Variants in DIP2C observed in about 807,000 individuals in gnomAD.
DIP2C encodes disco-interacting protein 2 homolog C.
In DIP2C, 33 loss-of-function variants were observed where a neutral mutation model predicts 192.4. The ratio of observed to expected loss-of-function variants is 0.17; its 90% CI spans 0.13 to 0.23. The LOEUF (loss-of-function observed/expected upper bound fraction) is 0.23. DIP2C is among the 10% of genes least tolerant of loss of function. The probability of loss-of-function intolerance (pLI) is 1.00; values close to 1 mark genes in which losing one functional copy is unlikely to be tolerated. For missense variants in DIP2C, 1,537 were observed against 2,110.1 expected (o/e 0.73, Z 5.32); for synonymous variants, 979 against 864.1 (o/e 1.13, Z -2.33).
chr10:673,060 G>A (rs981487250), intron 1 of DIP2C, among the ~76,000 whole-genome samples: 4 of 152,170 alleles, frequency 2.6e-5, no homozygotes, highest in Admixed American at 2.6e-4. Flanking sequence ...GAACCAAGGG[G>A]GATGGAATGA....
chr10:594,033 G>A (rs973026758), intron 1 of DIP2C, among the ~76,000 whole-genome samples: 5 of 152,172 alleles, frequency 3.3e-5, no homozygotes, highest in African/African-American at 9.7e-5. Context: ...TGTGTTCACC[G>A]TTTCTCAGTT....
chr10:283,468 A>G (rs888807976), intron 34 of DIP2C, 22 bp from the exon 35 acceptor site: 3 of 1,612,210 alleles, frequency 1.9e-6, no homozygotes, highest in Non-Finnish European at 2.5e-6. Context: ...GGGAAATGTC[A>G]CTGTGGATGA....
rs1246812899 is a variant in DIP2C at position 321,629 on chromosome 10, C to CG, written c.3924+5376dup. Among the ~76,000 whole-genome samples, 75 of 117,900 alleles carry CG rather than the reference C, an allele frequency of 6.4e-4. 1 individual carries two copies. Among genetic ancestry groups the CG allele is most frequent in the East Asian group, 2.2e-3 (8 of 3,644 alleles). 77.3% of individuals were successfully genotyped at this position (117,900 alleles called of 152,430 possible). A position where few individuals can be genotyped will look rare whatever the true frequency, so the allele number is the denominator to read the frequency against. On this transcript the variant is annotated intron_variant, in intron 31 of 36. Coordinates refer to ENST00000280886, the MANE Select transcript of DIP2C (RefSeq NM_014974.3). ...CTGTTAGAACAGTCAGTCGGGGGTG[C>CG]GGGGCTCCGGCGAGAGACCGGCGCT...
At chr10:379,818 C>G (rs568982905) in intron 17 of DIP2C, among the ~76,000 whole-genome samples, 2 of 152,380 alleles carry the variant, frequency 1.3e-5, no homozygotes, top group South Asian at 4.1e-4. Context: ...TGCTTTGATA[C>G]CAGGAGCAGG....
At chr10:554,978 T>C (rs1294412293) in intron 1 of DIP2C, among the ~76,000 whole-genome samples, 1 of 152,186 alleles carries the variant, frequency 6.6e-6, no homozygotes, top group Non-Finnish European at 1.5e-5. Flanking sequence ...CTTTTGTATA[T>C]GGAGTCTCAC....
chr10:674,789 T>TATATATATATAGAGAGAGAGAGAGAGAG, intron 1 of DIP2C, among the ~76,000 whole-genome samples: 4 of 62,484 alleles, frequency 6.4e-5, no homozygotes, highest in African/African-American at 1.8e-4. Context: ...TATATATATA[T>TATATATATATAGAGAGAGAGAGAGAGAG]AGAGAGAGAG....
Position 332,125 on chromosome 10 carries a change from C to CT in DIP2C, c.3585-2525dup, listed in dbSNP as rs557412295. ...ACCACCATGACTGGCTAACTTAAAA[C>CT]TTTTTTTGTGGAGATGGGGTCTCAC... On this transcript the variant is annotated intron_variant, in intron 29 of 36. Coordinates refer to ENST00000280886, the MANE Select transcript of DIP2C (RefSeq NM_014974.3). Among the ~76,000 whole-genome samples the CT allele has an allele frequency of 9.9e-5, 15 of 152,118 alleles. No homozygotes were observed. The East Asian group carries it at 2.9e-3, about 29-fold the overall frequency.
chr10:378,093 C>A (rs1961846357), intron 17 of DIP2C, among the ~76,000 whole-genome samples: 1 of 152,174 alleles, frequency 6.6e-6, no homozygotes, highest in African/African-American at 2.4e-5. Flanking sequence ...GCAATTTGTC[C>A]TTTAAAAAAT....
intron 1 of DIP2C, among the ~76,000 whole-genome samples, chr10:619,995 G>A (rs1308127491): frequency 6.6e-6 from 1 of 152,156 alleles, no homozygotes; most frequent in South Asian, 2.1e-4. Flanking sequence ...GCACATCACC[G>A]GCAAGACACC....
Position 689,427 on chromosome 10 carries a change from C to G in DIP2C, c.85+67G>C. Reference sequence around the variant, plus strand: ...CCCGCCCCGCCGCAGGCCCCGCGCCCCCAGCCCTCCGCGCGCGGCCCTCCC... The same window carrying G: ...CCCGCCCCGCCGCAGGCCCCGCGCCGCCAGCCCTCCGCGCGCGGCCCTCCC... On this transcript the variant is annotated intron_variant, in intron 1 of 36. Transcript: ENST00000280886. The surrounding 1 kb of genome is among the most constrained non-coding windows in gnomAD (Gnocchi z 6.1). 1 of 974,232 alleles carries G rather than the reference C, an allele frequency of 1.0e-6. No individual in the cohort carries two copies. The highest frequency in any genetic ancestry group is 4.1e-5 in the South Asian group (1 of 24,332). 60.3% of individuals were successfully genotyped at this position (974,232 alleles called of 1,614,324 possible).
At chr10:562,745 T>A (rs541498787) in intron 1 of DIP2C, among the ~76,000 whole-genome samples, 1 of 152,332 alleles carries the variant, frequency 6.6e-6, no homozygotes, top group South Asian at 2.1e-4. Context: ...TTTTCATATA[T>A]TTAACCAATA....
intron 10 of DIP2C, 89 bp from the exon 11 acceptor site, chr10:390,952 C>A: frequency 1.3e-6 from 2 of 1,539,218 alleles, no homozygotes; most frequent in Non-Finnish European, 1.7e-6. Context: ...CACACAGACC[C>A]TCGAGTCTGC....
chr10:375,952 G>A (rs887555034), intron 17 of DIP2C, among the ~76,000 whole-genome samples: 2 of 152,184 alleles, frequency 1.3e-5, no homozygotes, highest in African/African-American at 4.8e-5. Flanking sequence ...AGAAGAAAGA[G>A]TTAAGCTGCA....
intron 1 of DIP2C, among the ~76,000 whole-genome samples, chr10:565,760 G>A (rs561291266): frequency 2.3e-4 from 35 of 152,330 alleles, no homozygotes; most frequent in South Asian, 4.1e-4. Flanking sequence ...GTCGCGTAAC[G>A]GAGTCGAGCG....
intron 22 of DIP2C, among the ~76,000 whole-genome samples, chr10:359,703 A>G (rs1294821786): frequency 6.6e-6 from 1 of 152,196 alleles, no homozygotes; most frequent in East Asian, 1.9e-4. Flanking sequence ...GCACGATCTC[A>G]GAACACAACA....
chr10:512,292 C>G (rs1293014557), intron 1 of DIP2C, among the ~76,000 whole-genome samples: 2 of 152,198 alleles, frequency 1.3e-5, no homozygotes, highest in African/African-American at 4.8e-5. Flanking sequence ...AGATGTGGTG[C>G]TCACACCTGT....
chr10:578,713 A>G (rs768553525), intron 1 of DIP2C, among the ~76,000 whole-genome samples: 2 of 152,200 alleles, frequency 1.3e-5, no homozygotes, highest in Non-Finnish European at 2.9e-5. Context: ...TCCACATACT[A>G]TATGTACATA....
chr10:363,650 C>T lies in DIP2C; in HGVS notation c.2478-339G>A, dbSNP rs115969229. ...TTAGGGAGTCACACCCTTCACAGCT[C>T]GAGTTTGCACCCGTGAAGTTAACGG... On this transcript the variant is annotated intron_variant, in intron 20 of 36. Coordinates refer to ENST00000280886, the MANE Select transcript of DIP2C (RefSeq NM_014974.3). This position sits in a 1 kb window ranked among gnomAD's most constrained non-coding sequence, Gnocchi z 5.4. Among the ~76,000 whole-genome samples, 1,901 of 152,234 alleles carry T rather than the reference C, an allele frequency of 0.012. 33 individuals are homozygous for T. Among genetic ancestry groups the T allele is most frequent in the African/African-American group, 0.043 (1,800 of 41,528 alleles).
chr10:526,706 C>G (rs547830222), intron 1 of DIP2C, among the ~76,000 whole-genome samples: 18 of 152,216 alleles, frequency 1.2e-4, no homozygotes, highest in Non-Finnish European at 2.2e-4. Context: ...GTGGCTTTAA[C>G]TGCGCCTATG....
Sources: gnomAD v4.1 joint callset for allele counts (sites outside exome capture counted in the v4.1 genomes callset) on GRCh38, gnomAD v4.1.1 for gene constraint, Gnocchi (gnomAD v3.1) non-coding constraint, MANE v1.5 for transcripts, NCBI Gene and HGNC (gene_info 2026-07-23, HGNC 2026-07-21) for gene names.